TCHP: variants seen among roughly 807,000 people sequenced by gnomAD.
TCHP encodes trichoplein keratin filament-binding protein.
A neutral mutation model predicts 88.7 loss-of-function variants in TCHP; 81 were observed. The ratio of observed to expected loss-of-function variants is 0.91; its 90% CI spans 0.76 to 1.10. The LOEUF (loss-of-function observed/expected upper bound fraction) is 1.10. Among genes scored for constraint, TCHP ranks in the 50% least tolerant of loss-of-function variants. The pLI, the probability that TCHP is intolerant of heterozygous loss-of-function variation, is 0.00. For synonymous variants in TCHP, 232 were observed against 232.5 expected (o/e 1.00, Z 0.02); for missense variants, 641 against 632.1 (o/e 1.01, Z -0.15).
rs1279501523 is a variant in TCHP, at chr12:109,911,150, G to A, written c.967G>A (p.Ala323Thr). Residue 323 changes from alanine to threonine, a missense_variant, in exon 9 of 13, where the codon GCC becomes ACC. Transcript: ENST00000405876. ...LHLARREQVM[A>T]DVAWMKQAIE... The stretch of plus-strand genomic sequence containing the variant: ...CCTGGCCAGGCGGGAGCAGGTCATG[G>A]CCGATGTGGCCTGGATGAAGCAGGC... 2 of 1,596,556 alleles carry A rather than the reference G, an allele frequency of 1.3e-6. No homozygotes were observed. Among genetic ancestry groups the A allele is most frequent in the South Asian group, 1.1e-5 (1 of 87,848 alleles).
chr12:109,913,166 C>G, intron 10 of TCHP, 94 bp downstream of exon 10: 1 of 1,122,192 alleles, frequency 8.9e-7, no homozygotes. Context: ...GCTCTGGGAA[C>G]AGAGTCTTCT....
chr12:109,882,428 TAAAAAAAA>T, the TCHP span, among the ~76,000 whole-genome samples: 1 of 98,430 alleles, frequency 1.0e-5, no homozygotes, highest in Non-Finnish European at 2.1e-5. Context: ...AGACTCCGTC[TAAAAAAAA>T]AAAAAAAAAA....
the TCHP span, among the ~76,000 whole-genome samples, chr12:109,885,892 C>T: frequency 2.7e-3 from 408 of 152,160 alleles, no homozygotes; most frequent in Non-Finnish European, 5.0e-3. Context: ...ATCTTCCCAC[C>T]TCAGCCTCCT....
chr12:109,909,014 T>C, intron 8 of TCHP, 77 bp downstream of exon 8: 3 of 1,347,874 alleles, frequency 2.2e-6, no homozygotes, highest in South Asian at 2.4e-5. Flanking sequence ...AGTATATGAG[T>C]GCATTCTCGT....
At chr12:109,884,187 C>A in the TCHP span, among the ~76,000 whole-genome samples, 2 of 149,530 alleles carry the variant, frequency 1.3e-5, no homozygotes, top group Non-Finnish European at 3.0e-5. Flanking sequence ...GAGAAAAAAT[C>A]TTTTTTTTTT....
chr12:109,911,211 A>G lies in TCHP; in HGVS notation c.1028A>G (p.Glu343Gly). The G allele has an allele frequency of 1.3e-6, 2 of 1,581,738 alleles. No individual in the cohort carries two copies. The highest frequency in any genetic ancestry group is 1.7e-6 in the Non-Finnish European group (2 of 1,166,376). Residue 343 changes from glutamate (E) to glycine (G), a missense_variant, in exon 9 of 13, where the codon GAG (glutamate) becomes GGG (glycine). By Grantham distance (98) the Glu-to-Gly change is moderately conservative. Coordinates refer to ENST00000405876, the MANE Select transcript of TCHP (RefSeq NM_001143852.2). Reference sequence around the variant, plus strand: ...CAGCTGCAGCTGGAGCGGGCGCGGGAGGCAGAGCTGCAGATGCTGCTGAGG... The same window carrying G: ...CAGCTGCAGCTGGAGCGGGCGCGGGGGGCAGAGCTGCAGATGCTGCTGAGG... ...EEQLQLERAREAELQMLLREE... is the reference protein window; with the variant it reads ...EEQLQLERARGAELQMLLREE...
upstream of TCHP, among the ~76,000 whole-genome samples, chr12:109,899,080 A>G (rs917041640): frequency 6.6e-6 from 1 of 152,178 alleles, no homozygotes; most frequent in Non-Finnish European, 1.5e-5. Flanking sequence ...GGGCCTCCCA[A>G]AGTGCTGGGA....
At chr12:109,884,350 G>A in the TCHP span, among the ~76,000 whole-genome samples, 13 of 151,636 alleles carry the variant, frequency 8.6e-5, no homozygotes, top group Admixed American at 1.3e-4. Flanking sequence ...CACCACACCC[G>A]GCTAATTTGT....
At chr12:109,898,880 G>A (rs902870511), upstream of TCHP, among the ~76,000 whole-genome samples, 22 of 152,154 alleles carry the variant, frequency 1.4e-4, no homozygotes, top group South Asian at 2.7e-3. Context: ...GTGCAGCAGC[G>A]CAATCTTGGC....
At chr12:109,894,508 G>A in the TCHP span, among the ~76,000 whole-genome samples, 1 of 150,634 alleles carries the variant, frequency 6.6e-6, no homozygotes, top group Admixed American at 6.6e-5. Context: ...GCTCATGGCT[G>A]TAATCCCAGC....
chr12:109,881,091 C>G, the TCHP span, among the ~76,000 whole-genome samples: 1 of 152,360 alleles, frequency 6.6e-6, no homozygotes, highest in East Asian at 1.9e-4. Context: ...GGGGTCCAGT[C>G]TGCCCTCAAC....
the TCHP span, among the ~76,000 whole-genome samples, chr12:109,889,065 A>T: frequency 1.3e-5 from 2 of 151,060 alleles, no homozygotes; most frequent in African/African-American, 4.9e-5. Flanking sequence ...ATGGTATCTC[A>T]CACCTGTAAT....
upstream of TCHP, among the ~76,000 whole-genome samples, chr12:109,896,086 A>G (rs1275532661): frequency 6.6e-6 from 1 of 152,080 alleles, no homozygotes; most frequent in Non-Finnish European, 1.5e-5. Context: ...AGCTGGGACT[A>G]CAGGCACGCA....
chr12:109,912,236 C>T (rs548605618), intron 9 of TCHP, among the ~76,000 whole-genome samples: 5 of 152,286 alleles, frequency 3.3e-5, no homozygotes, highest in South Asian at 2.1e-4. Context: ...GACACTGTGC[C>T]GGGTGCTTTA....
At chr12:109,909,177 T>TA (rs1375242476) in intron 8 of TCHP, among the ~76,000 whole-genome samples, 1 of 152,216 alleles carries the variant, frequency 6.6e-6, no homozygotes, top group Non-Finnish European at 1.5e-5. Context: ...GAGCCAATCT[T>TA]AAGTGTTGTC....
intron 9 of TCHP, 53 bp from the exon 10 acceptor site, chr12:109,912,938 C>A: frequency 6.5e-7 from 1 of 1,540,262 alleles, no homozygotes; most frequent in Non-Finnish European, 9.0e-7. Context: ...CCGTAGCTCG[C>A]TTCCTGCCAG....
At chr12:109,907,004 C>T (rs1453282354) in intron 5 of TCHP, among the ~76,000 whole-genome samples, 1 of 152,188 alleles carries the variant, frequency 6.6e-6, no homozygotes, top group Non-Finnish European at 1.5e-5. Flanking sequence ...GTCCTCCTAA[C>T]TCAGCCTCCC....
intron 6 of TCHP, among the ~76,000 whole-genome samples, chr12:109,908,183 C>T (rs557071235): frequency 1.3e-5 from 2 of 152,290 alleles, no homozygotes; most frequent in East Asian, 3.9e-4. Context: ...CCTCACTTCC[C>T]CTTGCCCAGG....
At position 109,915,294 on chromosome 12, in the gene TCHP, G is replaced by T; in HGVS notation, c.1321-109G>T. On this transcript the variant is annotated intron_variant, in intron 11 of 12. Coordinates refer to ENST00000405876, the MANE Select transcript of TCHP (RefSeq NM_001143852.2). ...TTGGCACGTGCATTGCTGTTGCTCA[G>T]CTGGATTCTCCAGTCTGGGTAGGGC... is the stretch of plus-strand genomic sequence containing the variant. The T allele has an allele frequency of 3.3e-6, 5 of 1,502,518 alleles. No homozygotes were observed. The South Asian group carries it at 5.7e-5, about 17-fold the overall frequency. The allele number at this position is 1,502,518 out of a possible 1,614,324, so 93.1% of individuals were successfully genotyped here.
Sources: allele counts gnomAD v4.1 joint callset (sites outside exome capture counted in the v4.1 genomes callset), GRCh38; gene constraint gnomAD v4.1.1; transcripts MANE v1.5; gene names NCBI Gene and HGNC (gene_info 2026-07-23, HGNC 2026-07-21).